The following PCDHGA3 variants were observed in gnomAD, a reference collection of about 807,000 sequenced individuals.
PCDHGA3 encodes protocadherin gamma subfamily A, 3, also known as protocadherin gamma-A3.
PCDHGA3 carries 40 observed loss-of-function variants against 58.5 expected under a neutral mutation model. The ratio of observed to expected loss-of-function variants is 0.68; its 90% CI spans 0.53 to 0.89. The LOEUF (loss-of-function observed/expected upper bound fraction) is 0.89, where lower values mean the gene tolerates loss of function less well. Ranked by LOEUF, PCDHGA3 falls within the 40% of genes least tolerant of loss-of-function variation. The pLI, the probability that PCDHGA3 is intolerant of heterozygous loss-of-function variation, is 0.00. For synonymous variants in PCDHGA3, 530 were observed against 525.7 expected, an observed-to-expected ratio of 1.01 and a Z score of -0.11; for missense variants, 1,223 against 1,195.9, an observed-to-expected ratio of 1.02 and a Z score of -0.33.
chr5:141,404,683 GGCACCCCGCTCT>G (rs1306876302), intron 1 of PCDHGA3: 2 of 1,614,070 alleles, frequency 1.2e-6, no homozygotes, highest in Admixed American at 1.7e-5. Context: ...GTGTGGAGCT[GGCACCCCGCTCT>G]GCAGAGCCTG....
At position 141,431,641 on chromosome 5, in the gene PCDHGA3, A is replaced by G. The variant is rs772686680; in HGVS notation, c.2425-63166A>G. ...ACAAGGCGGCCCAAGTTTTCAAACT[A>G]GATTGTAATTCAGGGACAATATCAA... is the stretch of plus-strand genomic sequence containing the variant. On this transcript the variant is annotated intron_variant, in intron 1 of 3. Coordinates refer to ENST00000253812, the MANE Select transcript of PCDHGA3 (RefSeq NM_018916.4). This position sits in a 1 kb window ranked among gnomAD's most constrained non-coding sequence, Gnocchi z 4.8. The G allele has an allele frequency of 6.2e-7, 1 of 1,614,270 alleles. No individual in the cohort carries two copies. Among genetic ancestry groups the G allele is most frequent in the South Asian group, 1.1e-5 (1 of 91,092 alleles).
rs1299573831 is a variant in PCDHGA3 at position 141,500,662 on chromosome 5, T to A, written c.2484-4731T>A. 5.3e-5 allele frequency among the ~76,000 whole-genome samples: 8 copies of A among 152,352 alleles called. No homozygotes were observed. The East Asian group carries it at 1.5e-3, about 29-fold the overall frequency. ...TTTTTAAAAATAGCAACTGAGGCCA[T>A]ACTGTCCAACAGAATTATAGCTTTT... On this transcript the variant is annotated intron_variant, in intron 2 of 3. Coordinates refer to ENST00000253812, the MANE Select transcript of PCDHGA3 (RefSeq NM_018916.4).
intron 2 of PCDHGA3, among the ~76,000 whole-genome samples, chr5:141,502,472 A>G (rs1450967250): frequency 1.3e-5 from 2 of 150,886 alleles, no homozygotes; most frequent in Non-Finnish European, 2.9e-5. Flanking sequence ...TACTTCCCGC[A>G]GCATCACACT....
At chr5:141,360,346 G>T in intron 1 of PCDHGA3, 1 of 1,613,922 alleles carries the variant, frequency 6.2e-7, no homozygotes, top group Middle Eastern at 1.6e-4. Context: ...GGTTAGCGCG[G>T]AGAAGGAATA....
At chr5:141,351,539 G>A in intron 1 of PCDHGA3, 2 of 1,614,024 alleles carry the variant, frequency 1.2e-6, no homozygotes, top group Middle Eastern at 1.6e-4. Flanking sequence ...GGGCAAACCA[G>A]CCCTTTCCTC....
chr5:141,351,805 C>A, intron 1 of PCDHGA3: 3 of 1,613,350 alleles, frequency 1.9e-6, no homozygotes, highest in Non-Finnish European at 2.5e-6. Flanking sequence ...CGCAGCGCGC[C>A]TTCGACCACG....
intron 1 of PCDHGA3, chr5:141,403,947 A>C (rs1451597441): frequency 6.2e-7 from 1 of 1,613,886 alleles, no homozygotes; most frequent in Admixed American, 1.7e-5. Flanking sequence ...GGGTGGACAA[A>C]AGTGCTCATT....
chr5:141,348,430 A>G (rs1235207988), intron 1 of PCDHGA3, among the ~76,000 whole-genome samples: 1 of 152,186 alleles, frequency 6.6e-6, no homozygotes, highest in East Asian at 1.9e-4. Flanking sequence ...AACTTTTAAC[A>G]TATCATTTTT....
intron 1 of PCDHGA3, chr5:141,356,266 G>A: frequency 6.4e-7 from 1 of 1,564,424 alleles, no homozygotes; most frequent in Non-Finnish European, 8.7e-7. Flanking sequence ...CACCAGCTCA[G>A]TCCAGGAATC....
At chr5:141,410,335 T>C (rs2095381391) in intron 1 of PCDHGA3, 1 of 1,613,894 alleles carries the variant, frequency 6.2e-7, no homozygotes, top group African/African-American at 1.3e-5. Context: ...TTCTGGCCAT[T>C]GCCTTGCGCC....
At chr5:141,372,743 T>G (rs989554651) in intron 1 of PCDHGA3, 2 of 1,613,618 alleles carry the variant, frequency 1.2e-6, no homozygotes, top group Admixed American at 1.7e-5. Context: ...TTCTATGTGA[T>G]GAAGCCTCTT....
Position 141,375,571 on chromosome 5 carries a change from C to T in PCDHGA3, c.2424+29114C>T, listed in dbSNP as rs760580799. On this transcript the variant is annotated intron_variant, in intron 1 of 3. Coordinates refer to ENST00000253812, the MANE Select transcript of PCDHGA3 (RefSeq NM_018916.4). Reference sequence around the variant, plus strand: ...CCTACTCACTGGCAGAAGACACCCTCCAGGGGGCGCCCCTGTCCTCCTACG... The same window carrying T: ...CCTACTCACTGGCAGAAGACACCCTTCAGGGGGCGCCCCTGTCCTCCTACG... 15 of 1,613,962 alleles carry T rather than the reference C, an allele frequency of 9.3e-6. No individual in the cohort carries two copies. In the Admixed American group the frequency reaches 2.3e-4, roughly 25 times the overall value.
chr5:141,396,611 C>T (rs1310113508), intron 1 of PCDHGA3: 1 of 150,986 alleles, frequency 6.6e-6, no homozygotes, highest in Non-Finnish European at 1.5e-5. Flanking sequence ...CAGGGTGAGA[C>T]TCCGTCTCAA....
At chr5:141,426,480 C>T (rs1379758117) in intron 1 of PCDHGA3, 4 of 325,590 alleles carry the variant, frequency 1.2e-5, no homozygotes, top group Non-Finnish European at 1.8e-5. Flanking sequence ...TGACCTGAAA[C>T]CTTAGAGTTA....
intron 1 of PCDHGA3, chr5:141,394,548 C>T (rs1176145709): frequency 6.2e-7 from 1 of 1,614,160 alleles, no homozygotes; most frequent in Admixed American, 1.7e-5. Context: ...GGAGCTGGCG[C>T]CCCGCTCCGC....
chr5:141,487,633 T>C lies in PCDHGA3; in HGVS notation c.2425-7174T>C. On this transcript the variant is annotated intron_variant, in intron 1 of 3. Transcript: ENST00000253812. The surrounding 1 kb of genome is among the most constrained non-coding windows in gnomAD (Gnocchi z 5.0). ...GGCTAGAGGTGAGACCTTTGCAGGCTCAACAAATGCTTGAGGGTTATTCTG... is the reference window on the plus strand; with the variant it reads ...GGCTAGAGGTGAGACCTTTGCAGGCCCAACAAATGCTTGAGGGTTATTCTG... 3 of 1,614,164 alleles carry C rather than the reference T, an allele frequency of 1.9e-6. No individual in the cohort carries two copies. The highest frequency in any genetic ancestry group is 2.7e-5 in the African/African-American group (2 of 75,052).
intron 1 of PCDHGA3, chr5:141,361,674 G>A: frequency 5.0e-6 from 8 of 1,613,644 alleles, no homozygotes; most frequent in Non-Finnish European, 6.8e-6. Context: ...AGAGCGGGGT[G>A]GTGTTCGCGC....
chr5:141,356,236 G>A (rs1242368458), intron 1 of PCDHGA3: 2 of 1,587,552 alleles, frequency 1.3e-6, no homozygotes, highest in Non-Finnish European at 1.7e-6. Context: ...CAACGCACCA[G>A]AAGTCACAGT....
intron 1 of PCDHGA3, chr5:141,423,427 G>A: frequency 1.2e-6 from 2 of 1,614,010 alleles, no homozygotes; most frequent in Non-Finnish European, 1.7e-6. Flanking sequence ...AGGCGGGTTG[G>A]CAGGTATGCC....
Sources: allele counts gnomAD v4.1 joint callset (sites outside exome capture counted in the v4.1 genomes callset), GRCh38; gene constraint gnomAD v4.1.1; non-coding constraint Gnocchi (gnomAD v3.1); transcripts MANE v1.5; gene names NCBI Gene and HGNC (gene_info 2026-07-23, HGNC 2026-07-21).